Variants in PRKCQ observed in about 807,000 individuals in gnomAD.
PRKCQ encodes the protein protein kinase C theta type.
PRKCQ carries 41 observed loss-of-function variants against 91.2 expected under a neutral mutation model. The ratio of observed to expected loss-of-function variants is 0.45; its 90% CI spans 0.35 to 0.58. The LOEUF is 0.58. PRKCQ is among the 20% of genes least tolerant of loss of function. The probability of loss-of-function intolerance (pLI) is 0.00; values close to 1 mark genes in which losing one functional copy is unlikely to be tolerated. For missense variants in PRKCQ, 673 were observed against 896.5 expected (o/e 0.75, Z 3.18); for synonymous variants, 307 against 316.9 (o/e 0.97, Z 0.33).
chr10:6,521,976 C>T (rs1038921331), intron 1 of PRKCQ, among the ~76,000 whole-genome samples: 2 of 149,488 alleles, frequency 1.3e-5, no homozygotes, highest in African/African-American at 2.5e-5. Flanking sequence ...GGAGTCTCGC[C>T]CTGTTGCCCA....
chr10:6,526,082 C>T (rs1490084660), intron 1 of PRKCQ, among the ~76,000 whole-genome samples: 1 of 152,100 alleles, frequency 6.6e-6, no homozygotes, highest in East Asian at 1.9e-4. Flanking sequence ...AGAACAATGC[C>T]CAGCACATAG....
the PRKCQ span, among the ~76,000 whole-genome samples, chr10:6,415,600 A>C: frequency 2.4e-4 from 36 of 151,794 alleles, no homozygotes; most frequent in Non-Finnish European, 4.9e-4. Context: ...ACCAGTGGTT[A>C]AAGTCTGGTC....
chr10:6,498,029 G>C (rs986852366), intron 5 of PRKCQ, among the ~76,000 whole-genome samples: 4 of 152,220 alleles, frequency 2.6e-5, no homozygotes, highest in Admixed American at 6.5e-5. Flanking sequence ...CTGCCTGCTG[G>C]AAAAAGTAGC....
chr10:6,484,114 C>G (rs971447921), intron 10 of PRKCQ, among the ~76,000 whole-genome samples: 2 of 152,190 alleles, frequency 1.3e-5, no homozygotes, highest in Non-Finnish European at 2.9e-5. Context: ...GAATTCAAGT[C>G]AAGATGCTGC....
chr10:6,496,836 G>C lies in PRKCQ; in HGVS notation c.660+199C>G, dbSNP rs45502597. ...ATTACAGGCTTATGCCACCAGGCCTGGCTAATTTCTAATTCATCCTCTGGT... is the reference window on the plus strand; with the variant it reads ...ATTACAGGCTTATGCCACCAGGCCTCGCTAATTTCTAATTCATCCTCTGGT... On this transcript the variant is annotated intron_variant, in intron 7 of 17. Transcript: ENST00000263125. Among the ~76,000 whole-genome samples the C allele has an allele frequency of 7.2e-5, 11 of 152,162 alleles. No homozygotes were observed. In the East Asian group the frequency reaches 2.1e-3, roughly 29 times the overall value.
chr10:6,489,788 A>G (rs584507), intron 8 of PRKCQ, among the ~76,000 whole-genome samples: 32,876 of 152,060 alleles, frequency 0.22, 4,596 homozygotes, highest in Middle Eastern at 0.32. Flanking sequence ...AGCGGGGAAC[A>G]GAATGGAGCG....
intron 2 of PRKCQ, among the ~76,000 whole-genome samples, chr10:6,514,152 T>C (rs969676932): frequency 1.3e-5 from 2 of 152,100 alleles, no homozygotes; most frequent in Admixed American, 6.6e-5. Context: ...ATGGCTTCCA[T>C]AGTTACTGCA....
chr10:6,426,976 T>C (rs1833141898), downstream of PRKCQ, among the ~76,000 whole-genome samples: 1 of 152,184 alleles, frequency 6.6e-6, no homozygotes, highest in Non-Finnish European at 1.5e-5. Flanking sequence ...CCTTAGGTGA[T>C]CTGCCCACAT....
intron 1 of PRKCQ, among the ~76,000 whole-genome samples, chr10:6,552,033 T>A (rs879148852): frequency 6.6e-6 from 1 of 152,200 alleles, no homozygotes; most frequent in South Asian, 2.1e-4. Context: ...TGAGACTGTA[T>A]CTCATTGTGG....
the PRKCQ span, among the ~76,000 whole-genome samples, chr10:6,417,981 C>CCATCTCCCAGAGGCGCGCCTTCTTCCGT: frequency 6.6e-6 from 1 of 152,234 alleles, no homozygotes; most frequent in Non-Finnish European, 1.5e-5. Context: ...TCTCCTTCCC[C>CCATCTCCCAGAGGCGCGCCTTCTTCCGT]CATCTCCCAG....
intron 9 of PRKCQ, 109 bp downstream of exon 9, chr10:6,485,926 A>G: frequency 2.1e-6 from 2 of 939,642 alleles, no homozygotes; most frequent in Non-Finnish European, 3.3e-6. Flanking sequence ...GTGCTCAGAA[A>G]TACATCCCGG....
intron 1 of PRKCQ, among the ~76,000 whole-genome samples, chr10:6,566,646 C>T (rs549311858): frequency 6.6e-6 from 1 of 152,218 alleles, no homozygotes; most frequent in African/African-American, 2.4e-5. Context: ...CAAGGGACAA[C>T]CTCATGGGTT....
At chr10:6,579,659 T>A (rs1841384933) in intron 1 of PRKCQ, among the ~76,000 whole-genome samples, 2 of 151,728 alleles carry the variant, frequency 1.3e-5, no homozygotes, top group African/African-American at 4.8e-5. Flanking sequence ...CTTTTTTTTT[T>A]TTTTTTGGTA....
chr10:6,440,205 T>C (rs539448378), intron 16 of PRKCQ, among the ~76,000 whole-genome samples: 2 of 152,326 alleles, frequency 1.3e-5, no homozygotes, highest in Admixed American at 1.3e-4. Context: ...CTTTCCTTTA[T>C]AAATTACCCA....
At chr10:6,442,611 T>G (rs1223689469) in intron 15 of PRKCQ, among the ~76,000 whole-genome samples, 1 of 152,178 alleles carries the variant, frequency 6.6e-6, no homozygotes, top group Non-Finnish European at 1.5e-5. Flanking sequence ...CTCTAATCAC[T>G]GACATGCAGA....
chr10:6,555,085 C>G (rs978063612), intron 1 of PRKCQ, among the ~76,000 whole-genome samples: 2 of 151,114 alleles, frequency 1.3e-5, no homozygotes, highest in Non-Finnish European at 2.9e-5. Context: ...ATTGGGTACT[C>G]ATGGACATAA....
At chr10:6,547,573 G>T (rs1374688600) in intron 1 of PRKCQ, among the ~76,000 whole-genome samples, 26 of 145,290 alleles carry the variant, frequency 1.8e-4, no homozygotes, top group Middle Eastern at 3.5e-3. Context: ...TCAGAAATAA[G>T]GCCACATATC....
At chr10:6,537,139 C>G (rs1588396961) in intron 1 of PRKCQ, among the ~76,000 whole-genome samples, 1 of 152,134 alleles carries the variant, frequency 6.6e-6, no homozygotes, top group South Asian at 2.1e-4. Context: ...TGGTTTTATA[C>G]TATGGGCATT....
intron 11 of PRKCQ, among the ~76,000 whole-genome samples, chr10:6,482,042 T>C (rs1419296366): frequency 6.6e-6 from 1 of 151,504 alleles, no homozygotes; most frequent in African/African-American, 2.4e-5. Flanking sequence ...TTCCTCTCCT[T>C]GTCATCTGTG....
Sources: allele counts gnomAD v4.1 joint callset (sites outside exome capture counted in the v4.1 genomes callset), GRCh38; gene constraint gnomAD v4.1.1; transcripts MANE v1.5; gene names NCBI Gene and HGNC (gene_info 2026-07-23, HGNC 2026-07-21).